ADCK1: variants seen among roughly 807,000 people sequenced by gnomAD.
The protein encoded by ADCK1 is aarF domain containing kinase 1, also known as aarF domain-containing protein kinase 1.
Under a neutral mutation model 52.3 loss-of-function variants are expected in ADCK1, and 41 were observed. That is an observed-to-expected ratio of 0.78 (90% CI 0.61 to 1.02). The LOEUF (loss-of-function observed/expected upper bound fraction) is 1.02. Ranked by LOEUF, ADCK1 falls within the 50% of genes least tolerant of loss-of-function variation. The probability of loss-of-function intolerance (pLI) is 0.00; values close to 1 mark genes in which losing one functional copy is unlikely to be tolerated. For synonymous variants in ADCK1, 250 were observed against 274.6 expected, an observed-to-expected ratio of 0.91 and a Z score of 0.89; for missense variants, 658 against 679.5, an observed-to-expected ratio of 0.97 and a Z score of 0.35.
At chr14:77,926,501 G>C (rs887466038) in intron 9 of ADCK1, among the ~76,000 whole-genome samples, 3 of 152,160 alleles carry the variant, frequency 2.0e-5, no homozygotes, top group Middle Eastern at 3.2e-3. Flanking sequence ...TGTTTAATGA[G>C]ACGGAGTCTC....
intron 4 of ADCK1, among the ~76,000 whole-genome samples, chr14:77,878,022 A>G (rs1264004045): frequency 6.6e-6 from 1 of 152,228 alleles, no homozygotes; most frequent in African/African-American, 2.4e-5. Flanking sequence ...TCAGCCCCTG[A>G]GCATAGGCTC....
intron 7 of ADCK1, among the ~76,000 whole-genome samples, chr14:77,909,087 T>TGGAA (rs2083732538): frequency 6.7e-6 from 1 of 148,910 alleles, no homozygotes; most frequent in Admixed American, 6.7e-5. Flanking sequence ...CCCTCTGGGA[T>TGGAA]GGAAGGAAGG....
chr14:77,900,582 G>A (rs1347453855), intron 6 of ADCK1: 5 of 446,736 alleles, frequency 1.1e-5, no homozygotes, highest in African/African-American at 6.1e-5. Context: ...GCGAGACTGC[G>A]TCTCAAGGAA....
chr14:77,823,903 T>G (rs2081636011), intron 3 of ADCK1, among the ~76,000 whole-genome samples: 1 of 151,940 alleles, frequency 6.6e-6, no homozygotes, highest in Admixed American at 6.6e-5. Flanking sequence ...CATTCATTTA[T>G]TTGTTTATTT....
intron 4 of ADCK1, among the ~76,000 whole-genome samples, chr14:77,869,374 A>G (rs4903660): frequency 0.53 from 80,584 of 151,848 alleles, 21,617 homozygotes; most frequent in South Asian, 0.65. Flanking sequence ...GCATCTCCCC[A>G]ATCTCTGCCT....
At chr14:77,862,846 A>G (rs1279208928) in intron 4 of ADCK1, among the ~76,000 whole-genome samples, 4 of 152,208 alleles carry the variant, frequency 2.6e-5, no homozygotes, top group Middle Eastern at 3.2e-3. Context: ...ATGGTAATAC[A>G]TGGCCACATA....
intron 3 of ADCK1, among the ~76,000 whole-genome samples, chr14:77,856,635 A>G (rs1224369238): frequency 6.6e-6 from 1 of 152,152 alleles, no homozygotes; most frequent in Non-Finnish European, 1.5e-5. Flanking sequence ...TCAATAACTA[A>G]TCAACACTGA....
chr14:77,926,359 TG>T (rs1454136405), intron 9 of ADCK1, among the ~76,000 whole-genome samples: 3 of 152,254 alleles, frequency 2.0e-5, no homozygotes, highest in Admixed American at 6.5e-5. Flanking sequence ...ACTTCTGCTG[TG>T]TCCTGCCTGG....
intron 5 of ADCK1, among the ~76,000 whole-genome samples, chr14:77,892,122 T>C (rs1460706224): frequency 6.6e-6 from 1 of 152,170 alleles, no homozygotes; most frequent in East Asian, 1.9e-4. Context: ...TTGTACACTC[T>C]CCTCTGCCCC....
chr14:77,819,182 A>C, intron 2 of ADCK1, 69 bp downstream of exon 2: 1 of 1,595,418 alleles, frequency 6.3e-7, no homozygotes, highest in Non-Finnish European at 8.6e-7. Flanking sequence ...TACATGTAGC[A>C]GATAGACATG....
intron 5 of ADCK1, among the ~76,000 whole-genome samples, chr14:77,894,040 G>C (rs908729841): frequency 6.6e-6 from 1 of 152,062 alleles, no homozygotes; most frequent in Non-Finnish European, 1.5e-5. Context: ...GCCTCATCTT[G>C]TTTCTTTACT....
At chr14:77,895,023 G>T (rs1166060993) in intron 5 of ADCK1, among the ~76,000 whole-genome samples, 2 of 152,108 alleles carry the variant, frequency 1.3e-5, no homozygotes, top group Non-Finnish European at 2.9e-5. Context: ...AAAGTGGTGG[G>T]ATTACAGGCG....
intron 1 of ADCK1, among the ~76,000 whole-genome samples, chr14:77,802,653 T>A (rs2081135339): frequency 6.6e-6 from 1 of 151,510 alleles, no homozygotes; most frequent in Non-Finnish European, 1.5e-5. Context: ...GGGAGTTTGA[T>A]TAAAATTTGG....
intron 3 of ADCK1, among the ~76,000 whole-genome samples, chr14:77,835,328 C>T (rs2081938449): frequency 6.6e-6 from 1 of 152,166 alleles, no homozygotes; most frequent in Non-Finnish European, 1.5e-5. Context: ...AAAATAATAC[C>T]TTACCCATGC....
intron 7 of ADCK1, among the ~76,000 whole-genome samples, chr14:77,917,960 T>C (rs1274125913): frequency 6.6e-6 from 1 of 152,206 alleles, no homozygotes; most frequent in East Asian, 1.9e-4. Flanking sequence ...CTGGAGCCAG[T>C]GCTCCTAGGT....
intron 3 of ADCK1, among the ~76,000 whole-genome samples, chr14:77,825,715 C>T (rs2081685300): frequency 6.7e-6 from 1 of 150,330 alleles, no homozygotes; most frequent in Non-Finnish European, 1.5e-5. Context: ...GATCTCGGCT[C>T]ACTGCAACCT....
intron 4 of ADCK1, 66 bp from the exon 5 acceptor site, chr14:77,887,025 T>C (rs17826188): frequency 0.43 from 639,070 of 1,477,038 alleles, 141,422 homozygotes; most frequent in Admixed American, 0.54. Context: ...CTGGCCCATC[T>C]TCCTGGCTCC....
At chr14:77,913,994 G>T (rs1002129032) in intron 7 of ADCK1, among the ~76,000 whole-genome samples, 1 of 152,194 alleles carries the variant, frequency 6.6e-6, no homozygotes, top group South Asian at 2.1e-4. Context: ...TCCATCTTCT[G>T]TCAGGGTCGG....
intron 6 of ADCK1, among the ~76,000 whole-genome samples, chr14:77,901,381 T>C (rs1311231545): frequency 6.8e-6 from 1 of 146,766 alleles, no homozygotes; most frequent in African/African-American, 2.5e-5. Flanking sequence ...TTTTTTTAAT[T>C]AATTATTTTA....
Sources: allele counts gnomAD v4.1 joint callset (sites outside exome capture counted in the v4.1 genomes callset), GRCh38; gene constraint gnomAD v4.1.1; transcripts MANE v1.5; gene names NCBI Gene and HGNC (gene_info 2026-07-23, HGNC 2026-07-21).